Variants in SPOCK3 observed in about 807,000 individuals in gnomAD.
The protein encoded by SPOCK3 is testican-3.
A neutral mutation model predicts 56.6 loss-of-function variants in SPOCK3; 30 were observed. That is an observed-to-expected ratio of 0.53 (90% CI 0.40 to 0.72). The LOEUF (loss-of-function observed/expected upper bound fraction) is 0.72. SPOCK3 is among the 30% of genes least tolerant of loss of function. The probability of loss-of-function intolerance (pLI) is 0.00; values close to 1 mark genes in which losing one functional copy is unlikely to be tolerated. For missense variants in SPOCK3, 527 were observed against 530.0 expected (o/e 0.99, Z 0.06); for synonymous variants, 196 against 183.3 (o/e 1.07, Z -0.56).
At chr4:166,770,576 C>T (rs944064122) in intron 7 of SPOCK3, among the ~76,000 whole-genome samples, 2 of 151,972 alleles carry the variant, frequency 1.3e-5, no homozygotes, top group Non-Finnish European at 2.9e-5. Flanking sequence ...AAATATAAAA[C>T]TGATATGTCT....
intron 6 of SPOCK3, among the ~76,000 whole-genome samples, chr4:166,867,982 G>T (rs183750851): frequency 6.6e-6 from 1 of 151,910 alleles, no homozygotes; most frequent in Admixed American, 6.6e-5. Flanking sequence ...GTTGGATTAA[G>T]AAATAAATGG....
chr4:166,865,926 A>T (rs1410298156), intron 6 of SPOCK3, among the ~76,000 whole-genome samples: 1 of 152,136 alleles, frequency 6.6e-6, no homozygotes, highest in African/African-American at 2.4e-5. Context: ...ATTAGAAAAA[A>T]CTACTTTAAA....
intron 4 of SPOCK3, among the ~76,000 whole-genome samples, chr4:166,981,638 T>C (rs540242939): frequency 2.0e-5 from 3 of 152,326 alleles, no homozygotes; most frequent in Non-Finnish European, 2.9e-5. Context: ...TTCTCGCTCC[T>C]GTCCACCAAC....
At chr4:167,066,607 A>G (rs1222368635) in intron 2 of SPOCK3, among the ~76,000 whole-genome samples, 1 of 151,898 alleles carries the variant, frequency 6.6e-6, no homozygotes, top group Admixed American at 6.6e-5. Flanking sequence ...ACACTTTACA[A>G]CTGTATGGGT....
intron 2 of SPOCK3, among the ~76,000 whole-genome samples, chr4:167,191,732 G>T (rs1407972552): frequency 6.9e-6 from 1 of 144,806 alleles, no homozygotes; most frequent in African/African-American, 2.6e-5. Flanking sequence ...CTGCAAACAA[G>T]GACAATTTAA....
chr4:167,022,534 G>C (rs571875923), intron 3 of SPOCK3, among the ~76,000 whole-genome samples: 21 of 152,172 alleles, frequency 1.4e-4, no homozygotes, highest in Admixed American at 5.9e-4. Flanking sequence ...GAGCCATACT[G>C]TTGTACCACT....
intron 3 of SPOCK3, among the ~76,000 whole-genome samples, chr4:167,015,808 T>C (rs1750570153): frequency 6.6e-6 from 1 of 152,160 alleles, no homozygotes; most frequent in African/African-American, 2.4e-5. Flanking sequence ...TTCGGTAACC[T>C]TATTTTGTTA....
intron 4 of SPOCK3, among the ~76,000 whole-genome samples, chr4:166,938,529 A>G (rs573401180): frequency 6.6e-6 from 1 of 152,324 alleles, no homozygotes; most frequent in South Asian, 2.1e-4. Flanking sequence ...GCACATAAGT[A>G]CAAAGTTTTA....
chr4:167,000,455 G>A lies in SPOCK3; in HGVS notation c.244C>T (p.Pro82Ser). The A allele has an allele frequency of 2.6e-6, 4 of 1,548,326 alleles. No individual in the cohort carries two copies. Among genetic ancestry groups the A allele is most frequent in the Non-Finnish European group, 3.5e-6 (4 of 1,136,762 alleles). Residue 82 changes from proline (P) to serine (S), a missense_variant, in exon 4 of 11, where the codon CCA (proline) becomes TCA (serine). Pro to Ser is a moderately conservative substitution (Grantham distance 74). Coordinates refer to ENST00000357545, the MANE Select transcript of SPOCK3 (RefSeq NM_001040159.2). The stretch of plus-strand genomic sequence containing the variant: ...ATCTTTAAGCATGGATCCTTAGCTG[G>A]ATCTAAAGCTAAAAAAATTGCAAAG... ...PGKPFDQALDPAKDPCLKMKC... is the reference protein window; with the variant it reads ...PGKPFDQALDSAKDPCLKMKC...
At chr4:167,096,324 G>C (rs539591746) in intron 2 of SPOCK3, among the ~76,000 whole-genome samples, 61 of 151,808 alleles carry the variant, frequency 4.0e-4, no homozygotes, top group African/African-American at 1.4e-3. Flanking sequence ...ATACTTTCTC[G>C]AATTTTTCTA....
At chr4:166,840,663 C>T (rs1273315836) in intron 6 of SPOCK3, among the ~76,000 whole-genome samples, 1 of 151,690 alleles carries the variant, frequency 6.6e-6, no homozygotes, top group East Asian at 1.9e-4. Flanking sequence ...CACCTTCTCC[C>T]TACATTTCAG....
chr4:166,788,545 A>G (rs981973558), intron 7 of SPOCK3, among the ~76,000 whole-genome samples: 2 of 152,004 alleles, frequency 1.3e-5, no homozygotes, highest in East Asian at 3.9e-4. Context: ...TTAAAATGAT[A>G]TACTATAAAG....
At chr4:167,182,545 TC>T (rs1052022591) in intron 2 of SPOCK3, among the ~76,000 whole-genome samples, 3 of 151,688 alleles carry the variant, frequency 2.0e-5, no homozygotes, top group Non-Finnish European at 2.9e-5. Flanking sequence ...GTTTTCATGT[TC>T]TTTTTTTTTT....
intron 4 of SPOCK3, among the ~76,000 whole-genome samples, chr4:166,920,151 C>A (rs1348933214): frequency 6.6e-6 from 1 of 152,048 alleles, no homozygotes; most frequent in Non-Finnish European, 1.5e-5. Context: ...TTTATGTTTC[C>A]TACCATAAGC....
intron 2 of SPOCK3, among the ~76,000 whole-genome samples, chr4:167,176,047 TC>T (rs999343613): frequency 6.6e-6 from 1 of 152,066 alleles, no homozygotes; most frequent in Admixed American, 6.6e-5. Context: ...TAGAATGCTA[TC>T]CTTGCTTTTT....
Position 166,742,012 on chromosome 4 carries a change from C to A in SPOCK3, c.979G>T (p.Val327Leu), listed in dbSNP as rs770414288. 2 of 1,612,510 alleles carry A rather than the reference C, an allele frequency of 1.2e-6. No individual in the cohort carries two copies. The highest frequency in any genetic ancestry group is 8.5e-7 in the Non-Finnish European group (1 of 1,178,848). ...ELSNIQKRQG[V>L]KKLLGQYIPL... ...TATTACTCACCTAGGAGCTTCTTTA[C>A]CCCTTGCCGCTTCTGAATATTGCTG... The change falls in exon 9 of 11, where the codon GTA becomes TTA. Residue 327 changes from valine to leucine, a missense_variant. Physicochemically the swap from Val to Leu is conservative, Grantham distance 32. Coordinates refer to ENST00000357545, the MANE Select transcript of SPOCK3 (RefSeq NM_001040159.2).
At chr4:166,802,424 A>G (rs562756626) in intron 6 of SPOCK3, among the ~76,000 whole-genome samples, 9 of 152,210 alleles carry the variant, frequency 5.9e-5, no homozygotes, top group Non-Finnish European at 1.0e-4. Context: ...TATATTTCTC[A>G]GAGTTTGCAT....
chr4:167,020,544 A>G (rs147401350), intron 3 of SPOCK3, among the ~76,000 whole-genome samples: 24 of 151,908 alleles, frequency 1.6e-4, no homozygotes, highest in South Asian at 8.3e-4. Context: ...GTTCACTCTC[A>G]CTCTTCTGCC....
intron 2 of SPOCK3, among the ~76,000 whole-genome samples, chr4:167,150,568 T>C (rs1175799362): frequency 1.3e-5 from 2 of 152,110 alleles, no homozygotes; most frequent in Non-Finnish European, 2.9e-5. Context: ...TAGACCGTAC[T>C]GAAAAATAAA....
Sources: gnomAD v4.1 joint callset for allele counts (sites outside exome capture counted in the v4.1 genomes callset) on GRCh38, gnomAD v4.1.1 for gene constraint, MANE v1.5 for transcripts, NCBI Gene and HGNC (gene_info 2026-07-23, HGNC 2026-07-21) for gene names.